Variants in SLC5A4 observed in about 807,000 individuals in gnomAD.
The protein encoded by SLC5A4 is solute carrier family 5 member 4.
Under a neutral mutation model 70.3 loss-of-function variants are expected in SLC5A4, and 55 were observed. The ratio of observed to expected loss-of-function variants is 0.78; its 90% CI spans 0.63 to 0.98. SLC5A4 has a LOEUF of 0.98. Ranked by LOEUF, SLC5A4 falls within the 50% of genes least tolerant of loss-of-function variation. SLC5A4 has a pLI of 0.00. For missense variants in SLC5A4, 735 were observed against 839.2 expected (o/e 0.88, Z 1.53); for synonymous variants, 268 against 305.7 (o/e 0.88, Z 1.29).
chr22:32,271,900 C>A, the SLC5A4 span: 20 of 580,274 alleles, frequency 3.4e-5, no homozygotes, highest in South Asian at 3.1e-4. Context: ...CCAAGATGTA[C>A]GCTGTGGCCA....
the SLC5A4 span, among the ~76,000 whole-genome samples, chr22:32,281,078 C>T: frequency 2.1e-3 from 315 of 152,278 alleles, no homozygotes; most frequent in Middle Eastern, 3.4e-3. Context: ...TTATCATATT[C>T]CGAAATTAGA....
At position 32,234,978 on chromosome 22, in the gene SLC5A4, C is replaced by T. The variant is rs749224122; in HGVS notation, c.780G>A (p.Ala260=). 55 of 1,613,008 alleles carry T rather than the reference C, an allele frequency of 3.4e-5. No individual in the cohort carries two copies. The highest frequency in any genetic ancestry group is 4.5e-5 in the East Asian group (2 of 44,886). ...TISASCYTPR[A]DSFHIFRDAV... ...CATCTCGGAAGATGTGGAAGGAGTC[C>T]GCCCGAGGTGTGTAGCAACTGGCAC... The change falls in exon 8 of 15, where the codon GCG becomes GCA. Residue 260 remains alanine (A), a synonymous_variant. Transcript: ENST00000266086.
the SLC5A4 span, among the ~76,000 whole-genome samples, chr22:32,287,710 TC>T: frequency 3.0e-4 from 45 of 152,002 alleles, no homozygotes; most frequent in South Asian, 1.7e-3. Context: ...GGTCTCAAAC[TC>T]CTGACATCAG....
the SLC5A4 span, among the ~76,000 whole-genome samples, chr22:32,331,381 G>A: frequency 1.3e-5 from 2 of 152,066 alleles, no homozygotes; most frequent in South Asian, 4.1e-4. Context: ...GCGGCACGGG[G>A]GAAATGGCCG....
the SLC5A4 span, among the ~76,000 whole-genome samples, chr22:32,307,599 CCTGA>C: frequency 6.6e-6 from 1 of 152,184 alleles, no homozygotes; most frequent in African/African-American, 2.4e-5. Flanking sequence ...TTCTAGCTCG[CCTGA>C]CTGCTTAACA....
the SLC5A4 span, among the ~76,000 whole-genome samples, chr22:32,337,293 G>A: frequency 2.0e-5 from 3 of 152,240 alleles, no homozygotes; most frequent in Admixed American, 6.5e-5. Context: ...AGAACTCTGG[G>A]AGGCCAAGGC....
At chr22:32,309,908 G>C in the SLC5A4 span, among the ~76,000 whole-genome samples, 1 of 151,888 alleles carries the variant, frequency 6.6e-6, no homozygotes, top group Non-Finnish European at 1.5e-5. Context: ...GCTGGGTCTC[G>C]GTGATCTCTG....
At chr22:32,305,379 G>A in the SLC5A4 span, among the ~76,000 whole-genome samples, 1 of 133,738 alleles carries the variant, frequency 7.5e-6, no homozygotes, top group Non-Finnish European at 1.6e-5. Context: ...TTGTGTACCT[G>A]CTGATCTCTG....
the SLC5A4 span, among the ~76,000 whole-genome samples, chr22:32,313,106 T>C: frequency 0.55 from 83,608 of 152,102 alleles, 23,227 homozygotes; most frequent in East Asian, 0.67. Flanking sequence ...TTACAGTTAA[T>C]TGTGGATAAC....
chr22:32,231,636 C>T (rs16990052), intron 9 of SLC5A4, among the ~76,000 whole-genome samples: 26,294 of 152,170 alleles, frequency 0.17, 2,616 homozygotes, highest in African/African-American at 0.25. Context: ...TAAAGAATCA[C>T]GCAGAAAAAT....
chr22:32,324,683 C>T, the SLC5A4 span, among the ~76,000 whole-genome samples: 3 of 152,230 alleles, frequency 2.0e-5, no homozygotes, highest in Non-Finnish European at 4.4e-5. Context: ...CAGTGTCAGA[C>T]AAGCCCGGGT....
At chr22:32,235,234 T>C (rs529925165) in intron 7 of SLC5A4, 141 bp from the exon 8 acceptor site, 2 of 626,396 alleles carry the variant, frequency 3.2e-6, no homozygotes, top group Admixed American at 2.9e-5. Flanking sequence ...CCCAGGTCCA[T>C]GTCTTTCTGG....
chr22:32,291,362 A>G, the SLC5A4 span, among the ~76,000 whole-genome samples: 2 of 151,826 alleles, frequency 1.3e-5, no homozygotes, highest in African/African-American at 2.4e-5. Flanking sequence ...TTTTTATAGT[A>G]GAGACGGGGT....
chr22:32,270,416 C>T, the SLC5A4 span: 6 of 1,444,160 alleles, frequency 4.2e-6, no homozygotes, highest in Non-Finnish European at 5.8e-6. Context: ...GACATGTGGA[C>T]AGTCATCGCC....
chr22:32,287,653 T>A, the SLC5A4 span, among the ~76,000 whole-genome samples: 1 of 150,284 alleles, frequency 6.7e-6, no homozygotes, highest in East Asian at 2.0e-4. Flanking sequence ...TTTTTTCTTT[T>A]TCTTTTTTTT....
At position 32,224,410 on chromosome 22, in the gene SLC5A4, T is replaced by C; in HGVS notation, c.1522A>G (p.Thr508Ala). 1 of 1,614,128 alleles carries C rather than the reference T, an allele frequency of 6.2e-7. No homozygotes were observed. Among genetic ancestry groups the C allele is most frequent in the African/African-American group, 1.3e-5 (1 of 75,044 alleles). Residue 508 changes from threonine (T) to alanine (A), a missense_variant, in exon 13 of 15, where the codon ACA becomes GCA. Coordinates refer to ENST00000266086, the MANE Select transcript of SLC5A4 (RefSeq NM_014227.3). ...TTACTGGGAGCCAAGCAACTCCCTG[T>C]TCCATAAGCAAACTCTGTTATCATA... ...IRMITEFAYGTGSCLAPSNCP... is the reference protein window; with the variant it reads ...IRMITEFAYGAGSCLAPSNCP...
chr22:32,311,199 C>A, the SLC5A4 span, among the ~76,000 whole-genome samples: 1 of 152,354 alleles, frequency 6.6e-6, no homozygotes. Flanking sequence ...GCCGCCCTTG[C>A]CACCTTCACT....
At chr22:32,292,546 G>A in the SLC5A4 span, among the ~76,000 whole-genome samples, 1 of 151,156 alleles carries the variant, frequency 6.6e-6, no homozygotes, top group African/African-American at 2.4e-5. Flanking sequence ...ACATCTGCCA[G>A]TGCCTTGATC....
intron 13 of SLC5A4, among the ~76,000 whole-genome samples, chr22:32,223,938 T>G (rs1163445059): frequency 1.3e-5 from 2 of 152,124 alleles, no homozygotes; most frequent in Non-Finnish European, 2.9e-5. Context: ...TTTTTTTTTT[T>G]GAGACAGTGT....
Sources: allele counts gnomAD v4.1 joint callset (sites outside exome capture counted in the v4.1 genomes callset), GRCh38; gene constraint gnomAD v4.1.1; transcripts MANE v1.5; gene names NCBI Gene and HGNC (gene_info 2026-07-23, HGNC 2026-07-21).